Variants in MBTD1 observed in about 807,000 individuals in gnomAD.
The protein encoded by MBTD1 is MBT domain-containing protein 1.
A neutral mutation model predicts 87.8 loss-of-function variants in MBTD1; 24 were observed. The observed-to-expected ratio is 0.27, with a 90% CI of 0.20 to 0.38. The LOEUF is 0.38. MBTD1 is among the 10% of genes least tolerant of loss of function. The pLI is 1.00. For synonymous variants in MBTD1, 237 were observed against 248.6 expected (o/e 0.95, Z 0.44); for missense variants, 436 against 760.2 (o/e 0.57, Z 5.02).
chr17:51,203,953 A>G (rs201538750), intron 7 of MBTD1, 28 bp from the exon 8 acceptor site: 186 of 1,535,798 alleles, frequency 1.2e-4, no homozygotes, highest in Non-Finnish European at 1.6e-4. Context: ...ATCACTACAT[A>G]ATAAGAAAAT....
At chr17:51,220,279 CA>C in intron 4 of MBTD1, 50 bp downstream of exon 4, 1 of 1,494,140 alleles carries the variant, frequency 6.7e-7, no homozygotes, top group East Asian at 2.5e-5. Context: ...AGATAAATGG[CA>C]AAAGCCATAG....
chr17:51,219,735 C>T (rs2052776897), intron 4 of MBTD1, among the ~76,000 whole-genome samples: 1 of 152,132 alleles, frequency 6.6e-6, no homozygotes, highest in South Asian at 2.1e-4. Flanking sequence ...TAAGTTAATG[C>T]CTTTAAAAAG....
chr17:51,249,698 T>C (rs1280857352), intron 2 of MBTD1: 1 of 152,190 alleles, frequency 6.6e-6, no homozygotes, highest in Non-Finnish European at 1.5e-5. Flanking sequence ...TGTTCCATCA[T>C]GGTTTTCTTT....
At chr17:51,254,104 C>A (rs940089991) in intron 2 of MBTD1, among the ~76,000 whole-genome samples, 4 of 152,216 alleles carry the variant, frequency 2.6e-5, no homozygotes, top group Middle Eastern at 3.4e-3. Context: ...AGCTATGGAG[C>A]AAATATTTTC....
intron 6 of MBTD1, among the ~76,000 whole-genome samples, chr17:51,217,003 C>T (rs1454004148): frequency 6.6e-6 from 1 of 151,920 alleles, no homozygotes; most frequent in Non-Finnish European, 1.5e-5. Flanking sequence ...GAGTTTGACA[C>T]CAGCCTGGGC....
chr17:51,181,029 T>C (rs926949383), intron 16 of MBTD1, among the ~76,000 whole-genome samples: 1 of 150,560 alleles, frequency 6.6e-6, no homozygotes, highest in African/African-American at 2.4e-5. Context: ...ATCTTTTTTT[T>C]TTTTTTTTTT....
chr17:51,196,167 C>A (rs2051091148), intron 12 of MBTD1, among the ~76,000 whole-genome samples: 1 of 151,774 alleles, frequency 6.6e-6, no homozygotes, highest in South Asian at 2.1e-4. Flanking sequence ...CTGCCGTGGC[C>A]TCCCAAAGTG....
intron 3 of MBTD1, among the ~76,000 whole-genome samples, chr17:51,223,898 A>G (rs774647218): frequency 3.7e-4 from 56 of 152,224 alleles, no homozygotes; most frequent in Non-Finnish European, 7.6e-4. Context: ...AGAGAGATCC[A>G]AAGTCCTACA....
At chr17:51,252,530 G>A (rs780709656) in intron 2 of MBTD1, among the ~76,000 whole-genome samples, 2 of 152,064 alleles carry the variant, frequency 1.3e-5, no homozygotes, top group Non-Finnish European at 2.9e-5. Context: ...TCCACCAGGA[G>A]TTCCAGACCA....
chr17:51,195,074 C>T (rs907170547), intron 13 of MBTD1, 140 bp downstream of exon 13: 13 of 588,946 alleles, frequency 2.2e-5, no homozygotes, highest in East Asian at 1.2e-4. Flanking sequence ...GAGCAACCTA[C>T]AGCTCCTGTA....
intron 3 of MBTD1, among the ~76,000 whole-genome samples, chr17:51,222,948 A>G (rs1316655594): frequency 1.3e-5 from 2 of 151,828 alleles, no homozygotes; most frequent in African/African-American, 2.4e-5. Flanking sequence ...CTACAGGCAC[A>G]TGACACCATG....
rs543866423 is a variant in MBTD1 at position 51,235,382 on chromosome 17, C to T, written c.-48-10173G>A. On this transcript the variant is annotated intron_variant, in intron 2 of 16. Transcript: ENST00000586178. Reference sequence around the variant, plus strand: ...CGAACTCCTGACCTCAGGTAATCCACCCACCTCAGCCTCCCAAAGTGCTGG... The same window carrying T: ...CGAACTCCTGACCTCAGGTAATCCATCCACCTCAGCCTCCCAAAGTGCTGG... Among the ~76,000 whole-genome samples the T allele has an allele frequency of 7.2e-5, 11 of 152,246 alleles. No homozygotes were observed. The East Asian group carries it at 2.1e-3, about 29-fold the overall frequency.
At chr17:51,192,448 T>A (rs2145079777) in intron 15 of MBTD1, 168 bp from the exon 16 acceptor site, 1 of 632,766 alleles carries the variant, frequency 1.6e-6, no homozygotes, top group Non-Finnish European at 2.7e-6. Flanking sequence ...AGCCTCAACA[T>A]GAGACATTTT....
intron 2 of MBTD1, among the ~76,000 whole-genome samples, chr17:51,242,664 T>C (rs139063328): frequency 7.4e-4 from 113 of 152,286 alleles, no homozygotes; most frequent in African/African-American, 2.4e-3. Context: ...TAAAGAAATA[T>C]ACAAATAGGT....
At chr17:51,248,793 T>G (rs1217418009) in intron 2 of MBTD1, among the ~76,000 whole-genome samples, 2 of 152,220 alleles carry the variant, frequency 1.3e-5, no homozygotes, top group Non-Finnish European at 2.9e-5. Flanking sequence ...CGAAAATTCT[T>G]GTACAAGGTT....
chr17:51,259,623 C>T (rs1229688024), intron 1 of MBTD1, among the ~76,000 whole-genome samples: 1 of 151,450 alleles, frequency 6.6e-6, no homozygotes, highest in African/African-American at 2.4e-5. Context: ...GAGAGAACCC[C>T]AACGAGTCCA....
intron 13 of MBTD1, 68 bp downstream of exon 13, chr17:51,195,143 ATGT>A: frequency 7.1e-7 from 1 of 1,406,338 alleles, no homozygotes; most frequent in Middle Eastern, 1.9e-4. Flanking sequence ...GCTGTGTTAA[ATGT>A]TGTAAACAAA....
intron 2 of MBTD1, among the ~76,000 whole-genome samples, chr17:51,241,607 G>A (rs1423199340): frequency 1.3e-5 from 2 of 151,402 alleles, no homozygotes; most frequent in Admixed American, 1.3e-4. Context: ...GCTGTTGCCC[G>A]GGCTGGAGTG....
At chr17:51,212,316 C>T (rs192803607) in intron 6 of MBTD1, among the ~76,000 whole-genome samples, 3 of 151,336 alleles carry the variant, frequency 2.0e-5, no homozygotes, top group African/African-American at 7.3e-5. Context: ...CGAGATCACA[C>T]CACTGCACTC....
Sources: allele counts gnomAD v4.1 joint callset (sites outside exome capture counted in the v4.1 genomes callset), GRCh38; gene constraint gnomAD v4.1.1; transcripts MANE v1.5; gene names NCBI Gene and HGNC (gene_info 2026-07-23, HGNC 2026-07-21).